Variants in PTPRD observed in about 807,000 individuals in gnomAD.
PTPRD encodes receptor-type tyrosine-protein phosphatase delta.
A neutral mutation model predicts 214.5 loss-of-function variants in PTPRD; 34 were observed. The ratio of observed to expected loss-of-function variants is 0.16; its 90% CI spans 0.12 to 0.21. The LOEUF is 0.21. PTPRD is among the 10% of genes least tolerant of loss of function. The probability of loss-of-function intolerance (pLI) is 1.00; values close to 1 mark genes in which losing one functional copy is unlikely to be tolerated. For synonymous variants in PTPRD, 1,128 were observed against 845.7 expected (o/e 1.33, Z -5.79); for missense variants, 2,545 against 2,398.7 (o/e 1.06, Z -1.27).
intron 7 of PTPRD, among the ~76,000 whole-genome samples, chr9:9,654,651 T>C (rs141725602): frequency 6.6e-6 from 1 of 152,338 alleles, no homozygotes; most frequent in East Asian, 1.9e-4. Flanking sequence ...TGTTTGGTTA[T>C]CTAATTTTTC....
intron 3 of PTPRD, among the ~76,000 whole-genome samples, chr9:10,081,625 A>T (rs2098239305): frequency 6.6e-6 from 1 of 152,076 alleles, no homozygotes; most frequent in African/African-American, 2.4e-5. Context: ...AGCCTTCATA[A>T]CTATAAGAAA....
chr9:10,320,580 C>T (rs2096535732), intron 3 of PTPRD, among the ~76,000 whole-genome samples: 1 of 151,962 alleles, frequency 6.6e-6, no homozygotes, highest in African/African-American at 2.4e-5. Context: ...AATCCTATAA[C>T]CCAAAATATA....
chr9:9,276,700 T>A (rs562768869), intron 9 of PTPRD, among the ~76,000 whole-genome samples: 1 of 151,482 alleles, frequency 6.6e-6, no homozygotes, highest in South Asian at 2.1e-4. Context: ...GGAGCAGAAG[T>A]TTCTGAGAAA....
At chr9:10,229,178 C>T (rs923775383) in intron 3 of PTPRD, among the ~76,000 whole-genome samples, 4 of 151,868 alleles carry the variant, frequency 2.6e-5, no homozygotes, top group African/African-American at 7.3e-5. Flanking sequence ...ATTAGAATGG[C>T]GATCATTAAA....
chr9:9,379,210 T>A (rs915833602), intron 9 of PTPRD, among the ~76,000 whole-genome samples: 7 of 144,014 alleles, frequency 4.9e-5, no homozygotes, highest in Non-Finnish European at 9.1e-5. Context: ...TATATATATA[T>A]GATATATATT....
intron 9 of PTPRD, among the ~76,000 whole-genome samples, chr9:9,289,780 A>C (rs1950567819): frequency 6.6e-6 from 1 of 151,720 alleles, no homozygotes; most frequent in Non-Finnish European, 1.5e-5. Context: ...AATGTCACAA[A>C]TGGCAGGATT....
intron 10 of PTPRD, among the ~76,000 whole-genome samples, chr9:9,131,770 T>G (rs1367248801): frequency 2.6e-5 from 4 of 152,202 alleles, no homozygotes; most frequent in Admixed American, 2.6e-4. Context: ...AAGAGATTGG[T>G]GACTTAATTA....
At chr9:9,659,592 T>A (rs529416570) in intron 7 of PTPRD, among the ~76,000 whole-genome samples, 1 of 152,142 alleles carries the variant, frequency 6.6e-6, no homozygotes, top group South Asian at 2.1e-4. Context: ...TTTGGAATAG[T>A]TAATGATATA....
At chr9:9,324,127 G>T (rs2136149411) in intron 9 of PTPRD, among the ~76,000 whole-genome samples, 1 of 152,222 alleles carries the variant, frequency 6.6e-6, no homozygotes, top group South Asian at 2.1e-4. Context: ...CTTTGCTATT[G>T]TGAATAGTGT....
At chr9:10,570,164 C>A (rs917471879) in intron 2 of PTPRD, among the ~76,000 whole-genome samples, 2 of 152,140 alleles carry the variant, frequency 1.3e-5, no homozygotes, top group African/African-American at 4.8e-5. Flanking sequence ...CTTCACAAAT[C>A]ACTGGACTTT....
chr9:10,315,139 CA>C (rs1166480396), intron 3 of PTPRD, among the ~76,000 whole-genome samples: 5 of 151,808 alleles, frequency 3.3e-5, no homozygotes, highest in Non-Finnish European at 5.9e-5. Context: ...AATTATGATT[CA>C]TTTTTTATAT....
chr9:8,888,948 C>A (rs924569327), intron 11 of PTPRD, among the ~76,000 whole-genome samples: 1 of 152,150 alleles, frequency 6.6e-6, no homozygotes, highest in African/African-American at 2.4e-5. Flanking sequence ...GCAGTAATAT[C>A]CTTTCCTTAT....
chr9:9,705,722 A>T (rs2097586800), intron 7 of PTPRD, among the ~76,000 whole-genome samples: 1 of 152,192 alleles, frequency 6.6e-6, no homozygotes, highest in Non-Finnish European at 1.5e-5. Context: ...CAGTTTTGTC[A>T]TACTAATGTA....
At chr9:9,436,095 G>C (rs1308635198) in intron 8 of PTPRD, among the ~76,000 whole-genome samples, 1 of 152,026 alleles carries the variant, frequency 6.6e-6, no homozygotes, top group East Asian at 1.9e-4. Context: ...GAAATGCAAG[G>C]GAATAAATAT....
At chr9:8,585,452 G>A (rs1256096744) in intron 14 of PTPRD, among the ~76,000 whole-genome samples, 1 of 152,148 alleles carries the variant, frequency 6.6e-6, no homozygotes, top group African/African-American at 2.4e-5. Context: ...GCTATGGACT[G>A]GAAAGTCTGG....
At chr9:10,467,392 C>T (rs759543534) in intron 2 of PTPRD, among the ~76,000 whole-genome samples, 4 of 151,982 alleles carry the variant, frequency 2.6e-5, no homozygotes, top group Non-Finnish European at 5.9e-5. Flanking sequence ...TGATGATAAC[C>T]AAAATTATTA....
At chr9:9,536,586 G>A (rs78640348) in intron 8 of PTPRD, among the ~76,000 whole-genome samples, 1,908 of 152,100 alleles carry the variant, frequency 0.013, 41 homozygotes, top group African/African-American at 0.043. Context: ...GCTGGACAGA[G>A]CAATATGTCA....
At chr9:9,530,411 A>G (rs190188334) in intron 8 of PTPRD, among the ~76,000 whole-genome samples, 87 of 152,322 alleles carry the variant, frequency 5.7e-4, no homozygotes, top group Admixed American at 5.2e-3. Flanking sequence ...ATTCCTGGAC[A>G]CATACAACCT....
chr9:9,385,149 C>G (rs2063498263), intron 9 of PTPRD, among the ~76,000 whole-genome samples: 1 of 152,058 alleles, frequency 6.6e-6, no homozygotes, highest in African/African-American at 2.4e-5. Context: ...GAATAATGAA[C>G]CCACATGTTC....
Sources: allele counts gnomAD v4.1 joint callset (sites outside exome capture counted in the v4.1 genomes callset), GRCh38; gene constraint gnomAD v4.1.1; transcripts MANE v1.5; gene names NCBI Gene and HGNC (gene_info 2026-07-23, HGNC 2026-07-21).